Variants in EPHB3 observed in about 807,000 individuals in gnomAD.
EPHB3 encodes the protein EPH receptor B3.
A neutral mutation model predicts 100.2 loss-of-function variants in EPHB3; 33 were observed. That is an observed-to-expected ratio of 0.33 (90% confidence interval 0.25 to 0.44). The LOEUF is 0.44. Ranked by LOEUF, EPHB3 falls within the 20% of genes least tolerant of loss-of-function variation. EPHB3 has a pLI of 1.00. For synonymous variants in EPHB3, 526 were observed against 554.7 expected, an observed-to-expected ratio of 0.95 and a Z score of 0.73; for missense variants, 1,045 against 1,378.3, an observed-to-expected ratio of 0.76 and a Z score of 3.83.
rs945367670 is a variant in EPHB3 at position 184,563,669 on chromosome 3, G to A, written c.118+1316G>A. Among the ~76,000 whole-genome samples, 15 of 152,268 alleles carry A rather than the reference G, an allele frequency of 9.9e-5. No homozygotes were observed. Among genetic ancestry groups the A allele is most frequent in the African/African-American group, 3.4e-4 (14 of 41,554 alleles). On this transcript the variant is annotated intron_variant, in intron 1 of 15. Transcript: ENST00000330394. This position sits in a 1 kb window ranked among gnomAD's most constrained non-coding sequence, Gnocchi z 4.1. ...ATTCAGACTGACACACCGAGGTCTCGCCCACACTCGCACACACTCACCCAC... is the reference window on the plus strand; with the variant it reads ...ATTCAGACTGACACACCGAGGTCTCACCCACACTCGCACACACTCACCCAC...
chr3:184,579,150 G>A lies in EPHB3; in HGVS notation c.1802-327G>A. Reference sequence around the variant, plus strand: ...TATGCAGGATAGCTCGGTGGGAAAAGTCCAGAGGCAGAGAGCCCAGCTGGG... The same window carrying A: ...TATGCAGGATAGCTCGGTGGGAAAAATCCAGAGGCAGAGAGCCCAGCTGGG... On this transcript the variant is annotated intron_variant, in intron 9 of 15. Transcript: ENST00000330394. The surrounding 1 kb of genome is among the most constrained non-coding windows in gnomAD (Gnocchi z 5.2). Among the ~76,000 whole-genome samples, 1 of 152,194 alleles carries A rather than the reference G, an allele frequency of 6.6e-6. No homozygotes were observed. Among genetic ancestry groups the A allele is most frequent in the East Asian group, 1.9e-4 (1 of 5,186 alleles).
rs34781746 is a variant in EPHB3 at position 184,573,606 on chromosome 3, T to TCTC, written c.856+431_856+433dup. Among the ~76,000 whole-genome samples the TCTC allele has an allele frequency of 0.43, 65,083 of 151,666 alleles. 14,038 individuals carry two copies. Among genetic ancestry groups the TCTC allele is most frequent in the South Asian group, 0.48 (2,293 of 4,814 alleles). On this transcript the variant is annotated intron_variant, in intron 3 of 15. Transcript: ENST00000330394. This position sits in a 1 kb window ranked among gnomAD's most constrained non-coding sequence, Gnocchi z 4.5. ...TTGTGCATGGCTTTTTACCCTGGGC[T>TCTC]CTCTGCCCCTTGGGAGGCAGTATAT...
In EPHB3 at chr3:184,578,328, G is replaced by A. The variant is rs574524340; in HGVS notation, c.1749-86G>A. On this transcript the variant is annotated intron_variant, in intron 8 of 15. Coordinates refer to ENST00000330394, the MANE Select transcript of EPHB3 (RefSeq NM_004443.4). This position sits in a 1 kb window ranked among gnomAD's most constrained non-coding sequence, Gnocchi z 4.7. ...CCAGGCCATCCCCTGTATCCTCTCC[G>A]CCCCTTCTGTGAGCCCAAGGGTGCC... 9.0e-5 allele frequency: 142 copies of A among 1,586,386 alleles called. 3 individuals are homozygous for A. In the South Asian group the frequency reaches 1.1e-3, roughly 12 times the overall value.
chr3:184,576,031 TG>T lies in EPHB3; in HGVS notation c.1012+52del, dbSNP rs750141723. 35 of 1,552,496 alleles carry T rather than the reference TG, an allele frequency of 2.3e-5. 2 individuals carry two copies. The Admixed American group carries it at 5.8e-4, about 26-fold the overall frequency. Reference sequence around the variant, plus strand: ...TCTTTCCCTCTGCAGGCCTTCCCTCTGGGGGGCCAGCCTGGGAAGCCTAAGC... The same window carrying T: ...TCTTTCCCTCTGCAGGCCTTCCCTCTGGGGGCCAGCCTGGGAAGCCTAAGC... On this transcript the variant is annotated intron_variant, in intron 4 of 15. Transcript: ENST00000330394.
chr3:184,569,877 C>G lies in EPHB3; in HGVS notation c.119-1441C>G, dbSNP rs9846652. Among the ~76,000 whole-genome samples, 3 of 152,232 alleles carry G rather than the reference C, an allele frequency of 2.0e-5. No individual in the cohort carries two copies. The highest frequency in any genetic ancestry group is 6.5e-5 in the Admixed American group (1 of 15,282). On this transcript the variant is annotated intron_variant, in intron 1 of 15. Transcript: ENST00000330394. The surrounding 1 kb of genome is among the most constrained non-coding windows in gnomAD (Gnocchi z 5.4). ...AGGCCTCCAGAGGTCCTGGGGCAAC[C>G]CTGCCCCATTCCAGCTTCAGAGCTG...
At position 184,569,601 on chromosome 3, in the gene EPHB3, C is replaced by A. The variant is rs1201985537; in HGVS notation, c.119-1717C>A. On this transcript the variant is annotated intron_variant, in intron 1 of 15. Transcript: ENST00000330394. This position sits in a 1 kb window ranked among gnomAD's most constrained non-coding sequence, Gnocchi z 5.4. Reference sequence around the variant, plus strand: ...CCAGAGGCCAGGATCGCTCCCCTTACAGCCGGGCCCTCAGGGGACCAGGGG... The same window carrying A: ...CCAGAGGCCAGGATCGCTCCCCTTAAAGCCGGGCCCTCAGGGGACCAGGGG... Among the ~76,000 whole-genome samples, 1 of 152,230 alleles carries A rather than the reference C, an allele frequency of 6.6e-6. No homozygotes were observed. The highest frequency in any genetic ancestry group is 2.4e-5 in the African/African-American group (1 of 41,464).
At position 184,579,550 on chromosome 3, in the gene EPHB3, C is replaced by T; in HGVS notation, c.1875C>T (p.Ala625=). Reference sequence around the variant, plus strand: ...CTAATGAGGCTGTTCGGGAGTTTGCCAAGGAGATCGACGTGTCCTGCGTCA... The same window carrying T: ...CTAATGAGGCTGTTCGGGAGTTTGCTAAGGAGATCGACGTGTCCTGCGTCA... ...EDPNEAVREF[A]KEIDVSCVKI... The change falls in exon 10 of 16, where the codon GCC becomes GCT. Residue 625 remains alanine (A), a synonymous_variant. Transcript: ENST00000330394. The surrounding 1 kb of genome is among the most constrained non-coding windows in gnomAD (Gnocchi z 5.2). 6.2e-7 allele frequency: 1 copy of T among 1,613,962 alleles called. No individual in the cohort carries two copies. Among genetic ancestry groups the T allele is most frequent in the South Asian group, 1.1e-5 (1 of 91,056 alleles).
chr3:184,567,403 G>A (rs1442927554), intron 1 of EPHB3, among the ~76,000 whole-genome samples: 1 of 152,206 alleles, frequency 6.6e-6, no homozygotes, highest in Non-Finnish European at 1.5e-5. Context: ...GGGGCAGGAT[G>A]AGGGGTACCA....
Position 184,581,713 on chromosome 3 carries a change from T to G in EPHB3, c.*91T>G. The G allele has an allele frequency of 1.6e-6, 2 of 1,273,692 alleles. No individual in the cohort carries two copies. The highest frequency in any genetic ancestry group is 3.1e-5 in the South Asian group (2 of 64,230). The allele number at this position is 1,273,692 out of a possible 1,614,324, so 78.9% of individuals were successfully genotyped here. A position where few individuals can be genotyped will look rare whatever the true frequency, so the allele number is the denominator to read the frequency against. ...CTCTTGGACTTTTGGATGCCTGGCC[T>G]TAGGCTGTGGCCCAGAAGCTGGAAG... On this transcript the variant is annotated 3_prime_UTR_variant, in exon 16 of 16. Transcript: ENST00000330394.
At position 184,578,574 on chromosome 3, in the gene EPHB3, G is replaced by GC; in HGVS notation, c.1801+113dup. On this transcript the variant is annotated intron_variant, in intron 9 of 15. Coordinates refer to ENST00000330394, the MANE Select transcript of EPHB3 (RefSeq NM_004443.4). This position sits in a 1 kb window ranked among gnomAD's most constrained non-coding sequence, Gnocchi z 4.7. ...CATTCCTTAGAGATAAACCCTGAAT[G>GC]CCCCCTCCCACTTCCAGTCAAGTGG... The GC allele has an allele frequency of 7.1e-7, 1 of 1,416,528 alleles. No homozygotes were observed. Among genetic ancestry groups the GC allele is most frequent in the Non-Finnish European group, 9.8e-7 (1 of 1,022,768 alleles). The allele number at this position is 1,416,528 out of a possible 1,614,324, so 87.7% of individuals were successfully genotyped here.
chr3:184,577,830 CT>C lies in EPHB3; in HGVS notation c.1639+14del. 3 of 1,605,438 alleles carry C rather than the reference CT, an allele frequency of 1.9e-6. No individual in the cohort carries two copies. Among genetic ancestry groups the C allele is most frequent in the Non-Finnish European group, 2.6e-6 (3 of 1,174,098 alleles). ...ACAAGTGAGAGAGGTTAGTAGCCCC[CT>C]GCGCCTGTCCCCATCGCGGCCCTCA... On this transcript the variant is annotated intron_variant, in intron 7 of 15. Transcript: ENST00000330394. This position sits in a 1 kb window ranked among gnomAD's most constrained non-coding sequence, Gnocchi z 4.9.
At position 184,565,561 on chromosome 3, in the gene EPHB3, C is replaced by A. The variant is rs1714363653; in HGVS notation, c.118+3208C>A. 6.6e-6 allele frequency among the ~76,000 whole-genome samples: 1 copy of A among 152,204 alleles called. No individual in the cohort carries two copies. Among genetic ancestry groups the A allele is most frequent in the South Asian group, 2.1e-4 (1 of 4,832 alleles). On this transcript the variant is annotated intron_variant, in intron 1 of 15. Transcript: ENST00000330394. This position sits in a 1 kb window ranked among gnomAD's most constrained non-coding sequence, Gnocchi z 4.8. ...AGCCTTGGTAGCTGAGTTGTCACTG[C>A]AGTGGAACCTGTCTCTGAAGGAACA...
Position 184,562,941 on chromosome 3 carries a change from T to C in EPHB3, c.118+588T>C, listed in dbSNP as rs1714295336. Among the ~76,000 whole-genome samples the C allele has an allele frequency of 6.6e-6, 1 of 152,218 alleles. No homozygotes were observed. Among genetic ancestry groups the C allele is most frequent in the African/African-American group, 2.4e-5 (1 of 41,462 alleles). ...TGTATGGGCGGGCCCCCGCACCCTT[T>C]GTGGAGGCTCCCTCTCCGCCTGCTA... On this transcript the variant is annotated intron_variant, in intron 1 of 15. Transcript: ENST00000330394. The surrounding 1 kb of genome is among the most constrained non-coding windows in gnomAD (Gnocchi z 4.8).
Position 184,580,758 on chromosome 3 carries a change from C to T in EPHB3, c.2418C>T (p.Ala806=), listed in dbSNP as rs1320007745. The part of the protein sequence containing the change: ...LGGKIPIRWT[A]PEAIAYRKFT... ...GGAAGATCCCCATCCGCTGGACTGC[C>T]CCAGAGGCCATAGCCTATCGGAAGT... The change falls in exon 13 of 16, where the codon GCC becomes GCT. Residue 806 remains alanine, a synonymous_variant. Coordinates refer to ENST00000330394, the MANE Select transcript of EPHB3 (RefSeq NM_004443.4). 6.2e-7 allele frequency: 1 copy of T among 1,613,994 alleles called. No homozygotes were observed. Among genetic ancestry groups the T allele is most frequent in the Non-Finnish European group, 8.5e-7 (1 of 1,180,006 alleles).
At position 184,581,718 on chromosome 3, in the gene EPHB3, C is replaced by T. The variant is rs938762421; in HGVS notation, c.*96C>T. On this transcript the variant is annotated 3_prime_UTR_variant, in exon 16 of 16. Transcript: ENST00000330394. ...GGACTTTTGGATGCCTGGCCTTAGG[C>T]TGTGGCCCAGAAGCTGGAAGTTTGG... 1.6e-6 allele frequency: 2 copies of T among 1,243,288 alleles called. No homozygotes were observed. The highest frequency in any genetic ancestry group is 1.5e-5 in the African/African-American group (1 of 65,872). 77.0% of individuals were successfully genotyped at this position (1,243,288 alleles called of 1,614,324 possible).
At position 184,578,217 on chromosome 3, in the gene EPHB3, G is replaced by C. The variant is rs1028579500; in HGVS notation, c.1749-197G>C. On this transcript the variant is annotated intron_variant, in intron 8 of 15. Coordinates refer to ENST00000330394, the MANE Select transcript of EPHB3 (RefSeq NM_004443.4). The surrounding 1 kb of genome is among the most constrained non-coding windows in gnomAD (Gnocchi z 4.7). ...TCCATACCCCATTCCCTGAATCTCC[G>C]GGCAGGTTCCCTAGGGACTGAGTCC... The C allele has an allele frequency of 6.8e-6, 6 of 887,486 alleles. No homozygotes were observed. In the East Asian group the frequency reaches 1.1e-4, roughly 16 times the overall value. 55.0% of individuals were successfully genotyped at this position (887,486 alleles called of 1,614,324 possible).
chr3:184,573,284 G>A lies in EPHB3; in HGVS notation c.856+108G>A. On this transcript the variant is annotated intron_variant, in intron 3 of 15. Transcript: ENST00000330394. This position sits in a 1 kb window ranked among gnomAD's most constrained non-coding sequence, Gnocchi z 4.5. The stretch of plus-strand genomic sequence containing the variant: ...TGCTATCTGACTAGGAGGTCTGGGA[G>A]CAGGTCCACAGTGGAGGCAGGAGAG... The A allele has an allele frequency of 7.0e-7, 1 of 1,425,458 alleles. No homozygotes were observed. Among genetic ancestry groups the A allele is most frequent in the Admixed American group, 2.0e-5 (1 of 51,212 alleles). 88.3% of individuals were successfully genotyped at this position (1,425,458 alleles called of 1,614,324 possible).
Position 184,569,765 on chromosome 3 carries a change from G to C in EPHB3, c.119-1553G>C, listed in dbSNP as rs1445457320. 6.6e-6 allele frequency among the ~76,000 whole-genome samples: 1 copy of C among 152,268 alleles called. No homozygotes were observed. The highest frequency in any genetic ancestry group is 1.5e-5 in the Non-Finnish European group (1 of 68,046). On this transcript the variant is annotated intron_variant, in intron 1 of 15. Transcript: ENST00000330394. This position sits in a 1 kb window ranked among gnomAD's most constrained non-coding sequence, Gnocchi z 5.4. ...CTCCGCCGTCCTCGGCTCAGACCCA[G>C]CCTCCGGGAAACCACTGAAGGCTGC...
chr3:184,570,524 C>T (rs1011463311), intron 1 of EPHB3, among the ~76,000 whole-genome samples: 22 of 152,224 alleles, frequency 1.4e-4, no homozygotes, highest in African/African-American at 5.1e-4. Context: ...CCCTCTCCAC[C>T]CTCAAAGCGC....
Sources: gnomAD v4.1 joint callset for allele counts (sites outside exome capture counted in the v4.1 genomes callset) on GRCh38, gnomAD v4.1.1 for gene constraint, Gnocchi (gnomAD v3.1) non-coding constraint, MANE v1.5 for transcripts, NCBI Gene and HGNC (gene_info 2026-07-23, HGNC 2026-07-21) for gene names.